UBXN11: variants seen among roughly 807,000 people sequenced by gnomAD.
UBXN11 encodes UBX domain protein 11.
A neutral mutation model predicts 62.8 loss-of-function variants in UBXN11; 47 were observed. The ratio of observed to expected loss-of-function variants is 0.75; its 90% CI spans 0.59 to 0.95. The LOEUF is 0.95. UBXN11 is among the 40% of genes least tolerant of loss of function. The probability of loss-of-function intolerance (pLI) is 0.00; values close to 1 mark genes in which losing one functional copy is unlikely to be tolerated. For synonymous variants in UBXN11, 294 were observed against 267.0 expected (o/e 1.10, Z -0.99); for missense variants, 638 against 661.7 (o/e 0.96, Z 0.39).
chr1:26,289,621 C>T (rs1182606674), intron 8 of UBXN11, among the ~76,000 whole-genome samples: 1 of 152,154 alleles, frequency 6.6e-6, no homozygotes. Flanking sequence ...ATGGCGATGC[C>T]CACGCCCAGG....
chr1:26,292,593 C>G (rs1295588741), intron 8 of UBXN11, among the ~76,000 whole-genome samples: 1 of 152,078 alleles, frequency 6.6e-6, no homozygotes, highest in Non-Finnish European at 1.5e-5. Flanking sequence ...CGGTGGCTCA[C>G]ACCTGTAATC....
chr1:26,317,947 A>G, intron 1 of UBXN11: 1 of 1,407,788 alleles, frequency 7.1e-7, no homozygotes, highest in South Asian at 1.2e-5. Flanking sequence ...GCTAAACCAA[A>G]AGAAGCCTCC....
chr1:26,284,691 C>T lies in UBXN11; in HGVS notation c.853-209G>A, dbSNP rs1228744239. ...GCTGCTCCTGTAAGCACCCCATCCA[C>T]GCCAGCTGAAGCTGCAGTACTGACA... On this transcript the variant is annotated intron_variant, in intron 10 of 14. Coordinates refer to ENST00000374222, the MANE Select transcript of UBXN11 (RefSeq NM_001389556.1). The T allele has an allele frequency of 3.1e-5, 42 of 1,341,370 alleles. No homozygotes were observed. In the East Asian group the frequency reaches 6.6e-4, roughly 21 times the overall value. 83.1% of individuals were successfully genotyped at this position (1,341,370 alleles called of 1,614,324 possible).
At chr1:26,318,109 A>C in exon 1 of UBXN11, 1 of 1,589,326 alleles carries the variant, frequency 6.3e-7, no homozygotes, top group East Asian at 2.2e-5. Context: ...AGGACTCCCC[A>C]AAGTTGCTTG....
At chr1:26,284,103 T>C in intron 12 of UBXN11, 39 bp downstream of exon 12, 8 of 1,541,890 alleles carry the variant, frequency 5.2e-6, no homozygotes, top group Admixed American at 2.0e-5. Context: ...GGTGCTAAAG[T>C]TCCCCCAGGA....
In UBXN11 at chr1:26,302,810, T is replaced by TA; in HGVS notation, c.71+2dup. ...AGAAAGACCCCTGAGGCTGGCTCCT[T>TA]ACCCAGGATTCATAGGCTCCGAGGG... On this transcript the variant is annotated splice_region_variant and intron_variant, in intron 2 of 14. Coordinates refer to ENST00000374222, the MANE Select transcript of UBXN11 (RefSeq NM_001389556.1). The TA allele has an allele frequency of 6.2e-7, 1 of 1,613,552 alleles. No homozygotes were observed. The highest frequency in any genetic ancestry group is 8.5e-7 in the Non-Finnish European group (1 of 1,179,698).
chr1:26,303,812 G>A (rs1394663415), intron 1 of UBXN11, among the ~76,000 whole-genome samples: 1 of 152,076 alleles, frequency 6.6e-6, no homozygotes, highest in Admixed American at 6.6e-5. Context: ...CTAGCCCAGC[G>A]CCAAGCTCAA....
intron 10 of UBXN11, chr1:26,284,742 G>A (rs991878564): frequency 8.0e-7 from 1 of 1,256,138 alleles, no homozygotes. Context: ...CCCCTCTCAG[G>A]AGCCTACCGT....
At chr1:26,297,119 C>A in intron 6 of UBXN11, 124 bp from the exon 7 acceptor site, 1 of 1,177,896 alleles carries the variant, frequency 8.5e-7, no homozygotes. Context: ...CTTGGCCCCC[C>A]ACCTCTCTGG....
intron 8 of UBXN11, among the ~76,000 whole-genome samples, chr1:26,290,357 C>G (rs1300677474): frequency 6.6e-6 from 1 of 152,196 alleles, no homozygotes; most frequent in Non-Finnish European, 1.5e-5. Flanking sequence ...GATCTGGGGT[C>G]TGACCCGACC....
intron 4 of UBXN11, 134 bp downstream of exon 4, chr1:26,300,792 A>ATAAGCCAGGTCCCTGCCACG (rs1557688687): frequency 1.5e-5 from 21 of 1,445,348 alleles, no homozygotes; most frequent in Non-Finnish European, 1.2e-5. Flanking sequence ...TCCCTGCCAC[A>ATAAGCCAGGTCCCTGCCACG]ATCAGCCAGG....
chr1:26,287,810 C>T (rs2073166196), intron 8 of UBXN11, among the ~76,000 whole-genome samples: 1 of 152,128 alleles, frequency 6.6e-6, no homozygotes, highest in Non-Finnish European at 1.5e-5. Context: ...AGAATGATAC[C>T]AAGACACTTT....
chr1:26,306,079 A>C (rs774162265), intron 1 of UBXN11, among the ~76,000 whole-genome samples: 1 of 152,150 alleles, frequency 6.6e-6, no homozygotes, highest in Non-Finnish European at 1.5e-5. Flanking sequence ...GCAGGGGCAT[A>C]TCTCTTTCTC....
In UBXN11 at chr1:26,284,151, G is replaced by GTCCC; in HGVS notation, c.1064_1067dup (p.Asp356GlufsTer27). 1 of 1,609,560 alleles carries GTCCC rather than the reference G, an allele frequency of 6.2e-7. No individual in the cohort carries two copies. Among genetic ancestry groups the GTCCC allele is most frequent in the Non-Finnish European group, 8.5e-7 (1 of 1,177,660 alleles). On this transcript the variant is annotated frameshift_variant, in exon 12 of 15. Transcript: ENST00000374222. LOFTEE classifies it high-confidence loss of function. The stretch of plus-strand genomic sequence containing the variant: ...TTAGCATTGGCCTCACCTGCAAGGT[G>GTCCC]TCCCTGATGGGGCCCCGGATGTCAA...
intron 1 of UBXN11, among the ~76,000 whole-genome samples, chr1:26,315,301 C>T (rs371728241): frequency 6.6e-6 from 1 of 152,212 alleles, no homozygotes; most frequent in African/African-American, 2.4e-5. Flanking sequence ...GCCCCAGGCT[C>T]GTCCTGTCTG....
intron 1 of UBXN11, among the ~76,000 whole-genome samples, chr1:26,313,559 C>T (rs971804856): frequency 6.6e-6 from 1 of 152,202 alleles, no homozygotes; most frequent in Non-Finnish European, 1.5e-5. Flanking sequence ...CTTTATGTCA[C>T]TGTTGTATTC....
At chr1:26,299,170 G>A (rs1427857591) in intron 4 of UBXN11, among the ~76,000 whole-genome samples, 1 of 152,106 alleles carries the variant, frequency 6.6e-6, no homozygotes, top group East Asian at 1.9e-4. Flanking sequence ...GAGCTCACTG[G>A]GGCACAGTGG....
chr1:26,284,079 G>A, intron 12 of UBXN11, 63 bp downstream of exon 12: 1 of 1,486,308 alleles, frequency 6.7e-7, no homozygotes, highest in Non-Finnish European at 9.1e-7. Flanking sequence ...GTTCTGGCAG[G>A]CTGGACCAGG....
chr1:26,298,072 A>C lies in UBXN11; in HGVS notation c.200-10T>G, dbSNP rs1231772425. Reference sequence around the variant, plus strand: ...TCATGGGATGCAGGGACTGCCAAGCACACAAAGTCTTTAGAGCCCAGACCT... The same window carrying C: ...TCATGGGATGCAGGGACTGCCAAGCCCACAAAGTCTTTAGAGCCCAGACCT... On this transcript the variant is annotated splice_polypyrimidine_tract_variant and intron_variant, in intron 4 of 14. Coordinates refer to ENST00000374222, the MANE Select transcript of UBXN11 (RefSeq NM_001389556.1). 1 of 1,611,536 alleles carries C rather than the reference A, an allele frequency of 6.2e-7. No homozygotes were observed. The highest frequency in any genetic ancestry group is 1.1e-5 in the South Asian group (1 of 90,796).
Sources: allele counts gnomAD v4.1 joint callset (sites outside exome capture counted in the v4.1 genomes callset), GRCh38; gene constraint gnomAD v4.1.1; transcripts MANE v1.5; gene names NCBI Gene and HGNC (gene_info 2026-07-23, HGNC 2026-07-21).